The following EDARADD variants were observed in gnomAD, a reference collection of about 807,000 sequenced individuals.
EDARADD encodes ectodysplasin-A receptor-associated adapter protein.
A neutral mutation model predicts 25.6 loss-of-function variants in EDARADD; 20 were observed. The observed-to-expected ratio is 0.78, with a 90% CI of 0.55 to 1.14. The LOEUF (loss-of-function observed/expected upper bound fraction) is 1.14, where lower values mean the gene tolerates loss of function less well. Ranked by LOEUF, EDARADD falls within the 50% of genes most tolerant of loss-of-function variation. EDARADD has a pLI of 0.00. For synonymous variants in EDARADD, 86 were observed against 94.4 expected (o/e 0.91, Z 0.52); for missense variants, 225 against 270.1 (o/e 0.83, Z 1.17).
chr1:236,396,902 GT>G (rs1156812673), intron 1 of EDARADD, among the ~76,000 whole-genome samples: 2 of 145,212 alleles, frequency 1.4e-5, no homozygotes, highest in Non-Finnish European at 3.0e-5. Flanking sequence ...AATTGACAAG[GT>G]GCCAAGGGGT....
intron 5 of EDARADD, among the ~76,000 whole-genome samples, chr1:236,479,913 T>C (rs969070993): frequency 3.8e-5 from 3 of 77,944 alleles, no homozygotes; most frequent in African/African-American, 1.5e-4. Context: ...CTGAGTGTGA[T>C]GGTGTGCACC....
intron 4 of EDARADD, among the ~76,000 whole-genome samples, chr1:236,461,470 G>A (rs1659036937): frequency 6.6e-6 from 1 of 152,240 alleles, no homozygotes; most frequent in Non-Finnish European, 1.5e-5. Flanking sequence ...TAGGTGTGTG[G>A]GTTTGCTTCT....
rs1667502096 is a variant in EDARADD, at chr1:236,395,646, A to G, written c.61+1141A>G. On this transcript the variant is annotated intron_variant, in intron 1 of 5. Coordinates refer to ENST00000334232, the MANE Select transcript of EDARADD (RefSeq NM_145861.4). The surrounding 1 kb of genome is among the most constrained non-coding windows in gnomAD (Gnocchi z 6.9). Reference sequence around the variant, plus strand: ...CCCGCCGCCATGGCTTCACCGGACGACCCTCTGCGCGCAGGTAAAGGGACA... The same window carrying G: ...CCCGCCGCCATGGCTTCACCGGACGGCCCTCTGCGCGCAGGTAAAGGGACA... 6.3e-7 allele frequency: 1 copy of G among 1,575,276 alleles called. No individual in the cohort carries two copies. Among genetic ancestry groups the G allele is most frequent in the Non-Finnish European group, 8.6e-7 (1 of 1,163,372 alleles).
intron 3 of EDARADD, among the ~76,000 whole-genome samples, chr1:236,383,325 G>A (rs1441464229): frequency 6.6e-6 from 1 of 151,568 alleles, no homozygotes; most frequent in African/African-American, 2.4e-5. Context: ...AACCTAGGAG[G>A]TGGAGGTTGC....
chr1:236,407,236 T>C (rs1032768669), intron 1 of EDARADD, among the ~76,000 whole-genome samples: 3 of 152,174 alleles, frequency 2.0e-5, no homozygotes, highest in African/African-American at 7.2e-5. Flanking sequence ...CACAGGTCTC[T>C]TTGCTGGTGC....
intron 4 of EDARADD, among the ~76,000 whole-genome samples, chr1:236,438,733 A>T (rs943422355): frequency 6.6e-6 from 1 of 152,204 alleles, no homozygotes; most frequent in Admixed American, 6.5e-5. Context: ...CAAAAGGTGC[A>T]CAAATTTCCC....
At chr1:236,358,222 G>A (rs1572107692) in intron 3 of EDARADD, among the ~76,000 whole-genome samples, 1 of 152,114 alleles carries the variant, frequency 6.6e-6, no homozygotes, top group South Asian at 2.1e-4. Context: ...CTTTGTTTCT[G>A]ATTTATTCAG....
At chr1:236,473,959 A>C (rs527783734) in intron 5 of EDARADD, among the ~76,000 whole-genome samples, 1 of 152,222 alleles carries the variant, frequency 6.6e-6, no homozygotes, top group South Asian at 2.1e-4. Flanking sequence ...TCTTTAAAGA[A>C]CATTGGCATA....
At chr1:236,411,542 TTCTTC>T (rs1361646108) in intron 2 of EDARADD, among the ~76,000 whole-genome samples, 15 of 148,786 alleles carry the variant, frequency 1.0e-4, no homozygotes, top group African/African-American at 3.7e-4. Flanking sequence ...CTTCCTCTTC[TTCTTC>T]TTTTTTTTTT....
chr1:236,405,547 G>A (rs1275058925), intron 1 of EDARADD, among the ~76,000 whole-genome samples: 3 of 152,138 alleles, frequency 2.0e-5, no homozygotes, highest in Non-Finnish European at 4.4e-5. Context: ...ACACCTCTAG[G>A]CTTGTCCAAG....
intron 4 of EDARADD, among the ~76,000 whole-genome samples, chr1:236,452,048 A>G (rs561085762): frequency 3.3e-5 from 5 of 152,312 alleles, no homozygotes; most frequent in East Asian, 3.9e-4. Context: ...TCCAGCTAGC[A>G]TCTTGCTTCC....
chr1:236,417,976 C>T (rs923220184), intron 3 of EDARADD, among the ~76,000 whole-genome samples: 10 of 118,460 alleles, frequency 8.4e-5, no homozygotes, highest in Middle Eastern at 4.8e-3. Flanking sequence ...TTTTTTGAGA[C>T]GGATTCTCGC....
intron 4 of EDARADD, among the ~76,000 whole-genome samples, chr1:236,434,089 T>C (rs1319828852): frequency 1.3e-5 from 2 of 152,100 alleles, no homozygotes; most frequent in African/African-American, 4.8e-5. Flanking sequence ...AGGATGCGAG[T>C]CTGAGGGCCG....
At position 236,357,161 on chromosome 1, in the gene EDARADD, A is replaced by G. The variant is rs12060813; in HGVS notation, c.-6+6322A>G. Among the ~76,000 whole-genome samples the G allele has an allele frequency of 6.3e-3, 956 of 152,234 alleles. 11 individuals carry two copies. Among genetic ancestry groups the G allele is most frequent in the African/African-American group, 0.022 (897 of 41,534 alleles). ...TTTCATTAAAACTTAATCTTTGAGTACATATCTTTCTAATATTCTGTGTGA... is the reference window on the plus strand; with the variant it reads ...TTTCATTAAAACTTAATCTTTGAGTGCATATCTTTCTAATATTCTGTGTGA... On this transcript the variant is annotated intron_variant, in intron 3 of 7. Transcript: ENST00000439430.
chr1:236,441,781 C>T (rs995183202), intron 4 of EDARADD, among the ~76,000 whole-genome samples: 5 of 151,930 alleles, frequency 3.3e-5, no homozygotes, highest in African/African-American at 1.2e-4. Flanking sequence ...CCACCTGTCT[C>T]GGCCTCCCAA....
intron 5 of EDARADD, among the ~76,000 whole-genome samples, chr1:236,473,565 T>G (rs76000377): frequency 0.13 from 19,074 of 152,020 alleles, 1,520 homozygotes; most frequent in Non-Finnish European, 0.18. Flanking sequence ...ATTGCTTGAG[T>G]CCAGGAGTTC....
chr1:236,450,196 C>T (rs1347553369), intron 4 of EDARADD, among the ~76,000 whole-genome samples: 5 of 151,906 alleles, frequency 3.3e-5, no homozygotes, highest in Non-Finnish European at 7.4e-5. Flanking sequence ...ACTTGGGTGG[C>T]GGTGGCTGAG....
At chr1:236,418,839 A>T (rs914547500) in intron 3 of EDARADD, among the ~76,000 whole-genome samples, 1 of 152,164 alleles carries the variant, frequency 6.6e-6, no homozygotes, top group East Asian at 1.9e-4. Flanking sequence ...GAAACTCCTC[A>T]TCCTCCCACC....
chr1:236,360,549 T>TTTTTTTTTTTTTG (rs1667034585), intron 3 of EDARADD, among the ~76,000 whole-genome samples: 1 of 144,810 alleles, frequency 6.9e-6, no homozygotes, highest in African/African-American at 2.6e-5. Context: ...TTTTTTTTTT[T>TTTTTTTTTTTTTG]TTTTTTTTTT....
Sources: allele counts gnomAD v4.1 joint callset (sites outside exome capture counted in the v4.1 genomes callset), GRCh38; gene constraint gnomAD v4.1.1; non-coding constraint Gnocchi (gnomAD v3.1); transcripts MANE v1.5; gene names NCBI Gene and HGNC (gene_info 2026-07-23, HGNC 2026-07-21).